GLIS3: variants seen among roughly 807,000 people sequenced by gnomAD.
The protein encoded by GLIS3 is zinc finger protein GLIS3.
In GLIS3, 53 loss-of-function variants were observed where a neutral mutation model predicts 78.6. The ratio of observed to expected loss-of-function variants is 0.67; its 90% CI spans 0.54 to 0.85. GLIS3 has a LOEUF of 0.85. Ranked by LOEUF, GLIS3 falls within the 40% of genes least tolerant of loss-of-function variation. The pLI, the probability that GLIS3 is intolerant of heterozygous loss-of-function variation, is 0.00. For missense variants in GLIS3, 1,703 were observed against 1,231.1 expected, an observed-to-expected ratio of 1.38 and a Z score of -5.74; for synonymous variants, 684 against 509.9, an observed-to-expected ratio of 1.34 and a Z score of -4.60.
intron 2 of GLIS3, among the ~76,000 whole-genome samples, chr9:4,247,669 TA>T (rs1823925655): frequency 6.6e-6 from 1 of 152,104 alleles, no homozygotes; most frequent in Non-Finnish European, 1.5e-5. Flanking sequence ...AAAAAACAAA[TA>T]TTTAAATATT....
intron 4 of GLIS3, among the ~76,000 whole-genome samples, chr9:4,111,168 C>A (rs2130844964): frequency 6.6e-6 from 1 of 152,238 alleles, no homozygotes; most frequent in East Asian, 1.9e-4. Flanking sequence ...GTACATAATT[C>A]TTTCTAATTT....
At chr9:3,937,736 C>T (rs987320123) in intron 4 of GLIS3, among the ~76,000 whole-genome samples, 4 of 152,118 alleles carry the variant, frequency 2.6e-5, no homozygotes, top group African/African-American at 4.8e-5. Flanking sequence ...TTTTTTCCAA[C>T]CCTCAAAAGA....
At position 4,193,126 on chromosome 9, in the gene GLIS3, A is replaced by AGC. The variant is rs1455999463; in HGVS notation, c.389-67187_389-67186dup. ...AAATGTTCAGACTTATATTTTACTT[A>AGC]GCTAATTCTGGTAACCAGGTAGAAC... On this transcript the variant is annotated intron_variant, in intron 2 of 10. Coordinates refer to ENST00000381971, the MANE Select transcript of GLIS3 (RefSeq NM_001042413.2). Among the ~76,000 whole-genome samples the AGC allele has an allele frequency of 2.6e-5, 4 of 152,370 alleles. No individual in the cohort carries two copies. The East Asian group carries it at 7.7e-4, about 29-fold the overall frequency.
intron 4 of GLIS3, among the ~76,000 whole-genome samples, chr9:4,044,342 T>C (rs1352063244): frequency 1.3e-5 from 2 of 152,154 alleles, no homozygotes; most frequent in African/African-American, 4.8e-5. Context: ...GTAGGAGATA[T>C]TAAGTAATCT....
chr9:4,076,643 TC>T (rs745870473), intron 4 of GLIS3, among the ~76,000 whole-genome samples: 4 of 152,226 alleles, frequency 2.6e-5, no homozygotes, highest in Admixed American at 6.5e-5. Flanking sequence ...GTACACATCC[TC>T]CAGTCTTTCT....
At chr9:4,088,855 T>G (rs751223569) in intron 4 of GLIS3, among the ~76,000 whole-genome samples, 4 of 152,244 alleles carry the variant, frequency 2.6e-5, no homozygotes, top group Non-Finnish European at 4.4e-5. Context: ...GTTGAGATAC[T>G]TCACAGCCAA....
the GLIS3 span, among the ~76,000 whole-genome samples, chr9:4,354,048 G>A: frequency 1.9e-4 from 29 of 149,366 alleles, 1 homozygote; most frequent in South Asian, 3.4e-3. Context: ...GTGTTAGCCA[G>A]GATGGTCTCT....
intron 8 of GLIS3, among the ~76,000 whole-genome samples, chr9:3,861,073 T>C (rs1405764126): frequency 6.6e-6 from 1 of 152,228 alleles, no homozygotes; most frequent in Non-Finnish European, 1.5e-5. Flanking sequence ...AATGAAAGTC[T>C]GATGCCTTCC....
At chr9:4,401,105 G>A in the GLIS3 span, among the ~76,000 whole-genome samples, 21 of 152,274 alleles carry the variant, frequency 1.4e-4, 1 homozygote, top group South Asian at 4.1e-3. Flanking sequence ...CAACAAGCAG[G>A]CACTTGGGGT....
Position 4,118,025 on chromosome 9 carries a change from C to T in GLIS3, c.1453G>A (p.Ala485Thr). The change falls in exon 4 of 11, where the codon GCC (alanine) becomes ACC (threonine). Residue 485 changes from alanine to threonine, a missense_variant. Physicochemically the swap from Ala to Thr is moderately conservative, Grantham distance 58. Transcript: ENST00000381971. The surrounding 1 kb of genome is among the most constrained non-coding windows in gnomAD (Gnocchi z 4.7). ...PHAQQLALPQ[A>T]TLDDDGEMDG... ...ATCTCCCCGTCGTCGTCCAGGGTGG[C>T]CTGGGGCAAGGCCAGCTGCTGGGCG... 1.2e-6 allele frequency: 2 copies of T among 1,602,756 alleles called. No individual in the cohort carries two copies. Among genetic ancestry groups the T allele is most frequent in the South Asian group, 1.1e-5 (1 of 90,316 alleles).
At chr9:3,900,358 G>C (rs1219961641) in intron 6 of GLIS3, among the ~76,000 whole-genome samples, 1 of 152,022 alleles carries the variant, frequency 6.6e-6, no homozygotes, top group African/African-American at 2.4e-5. Context: ...AATGTTCATA[G>C]GAGTGAATAT....
chr9:4,369,012 A>G, the GLIS3 span, among the ~76,000 whole-genome samples: 1 of 152,266 alleles, frequency 6.6e-6, no homozygotes, highest in South Asian at 2.1e-4. Flanking sequence ...TTTTCCTGAA[A>G]ATTTTCTCCA....
chr9:3,923,150 A>C (rs114962279), intron 6 of GLIS3, among the ~76,000 whole-genome samples: 450 of 152,356 alleles, frequency 3.0e-3, no homozygotes, highest in African/African-American at 0.01. Flanking sequence ...TATGCCAACC[A>C]AACTAATTGC....
At chr9:4,446,134 G>A in the GLIS3 span, among the ~76,000 whole-genome samples, 1 of 152,200 alleles carries the variant, frequency 6.6e-6, no homozygotes, top group Admixed American at 6.5e-5. Context: ...ATTTACAGAT[G>A]TTCTGGTCTG....
At chr9:3,901,400 C>CTGA (rs1588184502) in intron 6 of GLIS3, among the ~76,000 whole-genome samples, 1 of 152,196 alleles carries the variant, frequency 6.6e-6, no homozygotes, top group African/African-American at 2.4e-5. Context: ...TGATGATAGA[C>CTGA]TGATAGCTTG....
chr9:4,156,399 T>G lies in GLIS3; in HGVS notation c.389-30458A>C, dbSNP rs116813260. 4.3e-3 allele frequency among the ~76,000 whole-genome samples: 653 copies of G among 152,342 alleles called. 6 individuals carry two copies. Among genetic ancestry groups the G allele is most frequent in the African/African-American group, 0.015 (614 of 41,568 alleles). On this transcript the variant is annotated intron_variant, in intron 2 of 10. Transcript: ENST00000381971. ...CACACAAGTTTTTGTCCCTGTACAC[T>G]TCATACATTCATCCTCCTTATCCAC...
intron 2 of GLIS3, among the ~76,000 whole-genome samples, chr9:4,312,970 A>G (rs181194263): frequency 6.6e-5 from 10 of 152,340 alleles, no homozygotes; most frequent in Admixed American, 5.9e-4. Context: ...GAAAAATTAA[A>G]TCACCTCCCC....
the GLIS3 span, among the ~76,000 whole-genome samples, chr9:4,444,211 T>C: frequency 6.6e-6 from 1 of 152,192 alleles, no homozygotes; most frequent in Non-Finnish European, 1.5e-5. Context: ...TAAAAAGACA[T>C]ACAAAGGCTC....
chr9:4,064,277 A>G (rs1826903232), intron 4 of GLIS3, among the ~76,000 whole-genome samples: 1 of 152,200 alleles, frequency 6.6e-6, no homozygotes, highest in Admixed American at 6.5e-5. Flanking sequence ...AAAAATTATA[A>G]AAGTATTAGA....
Sources: allele counts gnomAD v4.1 joint callset (sites outside exome capture counted in the v4.1 genomes callset), GRCh38; gene constraint gnomAD v4.1.1; non-coding constraint Gnocchi (gnomAD v3.1); transcripts MANE v1.5; gene names NCBI Gene and HGNC (gene_info 2026-07-23, HGNC 2026-07-21).